TP73: variants seen among roughly 807,000 people sequenced by gnomAD.
The protein encoded by TP73 is tumor protein p73, also known as p53-like transcription factor.
In TP73, 25 loss-of-function variants were observed where a neutral mutation model predicts 62.5. The observed-to-expected ratio is 0.40, with a 90% confidence interval of 0.29 to 0.56. TP73 has a LOEUF of 0.56. TP73 is among the 20% of genes least tolerant of loss of function. The probability of loss-of-function intolerance (pLI) is 0.46; values close to 1 mark genes in which losing one functional copy is unlikely to be tolerated. For missense variants in TP73, 754 were observed against 913.3 expected (o/e 0.83, Z 2.25); for synonymous variants, 423 against 377.5 (o/e 1.12, Z -1.40).
chr1:3,726,901 C>CGATGGATGGGTGGATGGGTG (rs149311741), intron 6 of TP73, among the ~76,000 whole-genome samples: 1 of 147,474 alleles, frequency 6.8e-6, no homozygotes, highest in Non-Finnish European at 1.5e-5. Context: ...TAAATGGGTT[C>CGATGGATGGGTGGATGGGTG]GATGGATGGA....
At position 3,672,446 on chromosome 1, in the gene TP73, AGGCTGTGGCAGCTCCAGCGAAGGC is replaced by A. The variant is rs1645262940; in HGVS notation, c.-33-9881_-33-9858del. Reference sequence around the variant, plus strand: ...GACAGGGATGTGTCTGTGCAGAACGAGGCTGTGGCAGCTCCAGCGAAGGCGGCTGCGGCCCCATCAGTCACCTGC... The same window carrying A: ...GACAGGGATGTGTCTGTGCAGAACGAGGCTGCGGCCCCATCAGTCACCTGC... On this transcript the variant is annotated intron_variant, in intron 1 of 13. Transcript: ENST00000378295. The surrounding 1 kb of genome is among the most constrained non-coding windows in gnomAD (Gnocchi z 5.3). Among the ~76,000 whole-genome samples, 1 of 152,034 alleles carries A rather than the reference AGGCTGTGGCAGCTCCAGCGAAGGC, an allele frequency of 6.6e-6. No individual in the cohort carries two copies. Among genetic ancestry groups the A allele is most frequent in the Non-Finnish European group, 1.5e-5 (1 of 67,972 alleles).
At chr1:3,728,043 G>T (rs894802375) in intron 8 of TP73, 86 bp from the exon 9 acceptor site, 6 of 1,381,174 alleles carry the variant, frequency 4.3e-6, no homozygotes, top group Middle Eastern at 2.4e-4. Flanking sequence ...TGGCCCCAAG[G>T]GTGGGGCAGG....
chr1:3,727,061 T>A, intron 6 of TP73, 54 bp from the exon 7 acceptor site: 2 of 1,510,990 alleles, frequency 1.3e-6, no homozygotes, highest in Non-Finnish European at 1.8e-6. Flanking sequence ...GCCACCTTAG[T>A]GGATTGGGGC....
At chr1:3,667,467 G>A (rs1645144782) in intron 1 of TP73, among the ~76,000 whole-genome samples, 1 of 152,234 alleles carries the variant, frequency 6.6e-6, no homozygotes, top group Admixed American at 6.5e-5. Context: ...ATAAACGAGG[G>A]CAGCTGGGCG....
intron 3 of TP73, among the ~76,000 whole-genome samples, chr1:3,684,218 TGCCCC>T (rs1280963959): frequency 2.6e-5 from 4 of 152,192 alleles, no homozygotes; most frequent in African/African-American, 9.6e-5. Context: ...ACAGGCTGGC[TGCCCC>T]GCCCCGCCTC....
chr1:3,722,229 G>A (rs1380988723), intron 5 of TP73, 22 bp downstream of exon 5: 5 of 1,611,442 alleles, frequency 3.1e-6, no homozygotes, highest in Non-Finnish European at 4.2e-6. Flanking sequence ...CAGCTCCTCT[G>A]CCCACGGTGG....
In TP73 at chr1:3,701,351, C is replaced by G. The variant is rs941064427; in HGVS notation, c.187-6198C>G. The stretch of plus-strand genomic sequence containing the variant: ...GTTCCTCCTGGCTGGGTTTTTGTGC[C>G]AAGGCGTGGAGGTCATGCCTCGTGC... On this transcript the variant is annotated intron_variant, in intron 3 of 13. Transcript: ENST00000378295. This position sits in a 1 kb window ranked among gnomAD's most constrained non-coding sequence, Gnocchi z 4.7. 2.6e-5 allele frequency among the ~76,000 whole-genome samples: 4 copies of G among 152,130 alleles called. No homozygotes were observed. The highest frequency in any genetic ancestry group is 7.2e-5 in the African/African-American group (3 of 41,424).
intron 1 of TP73, among the ~76,000 whole-genome samples, chr1:3,678,314 C>T (rs149998796): frequency 4.6e-5 from 7 of 152,368 alleles, no homozygotes; most frequent in African/African-American, 7.2e-5. Flanking sequence ...GCCTGAAAGG[C>T]GGCTGTGGGC....
rs919615400 is a variant in TP73, at chr1:3,681,563, T to A, written c.-33-770T>A. The stretch of plus-strand genomic sequence containing the variant: ...TCTCAAGGCGTGACCACCCAGGCAG[T>A]GGCCGGCTGCAGGACAGGGCAGCTT... On this transcript the variant is annotated intron_variant, in intron 1 of 13. Transcript: ENST00000378295. 2.0e-5 allele frequency among the ~76,000 whole-genome samples: 3 copies of A among 152,246 alleles called. No individual in the cohort carries two copies. The South Asian group carries it at 6.2e-4, about 32-fold the overall frequency.
chr1:3,681,539 C>T (rs1455302944), intron 1 of TP73, among the ~76,000 whole-genome samples: 1 of 152,196 alleles, frequency 6.6e-6, no homozygotes, highest in Non-Finnish European at 1.5e-5. Context: ...GTGTCTCCTT[C>T]TCAAGGCGTG....
At chr1:3,706,470 A>G (rs58140697) in intron 3 of TP73, among the ~76,000 whole-genome samples, 2,697 of 49,544 alleles carry the variant, frequency 0.054, 148 homozygotes, top group African/African-American at 0.067. Flanking sequence ...GCCCGGGGAG[A>G]GGGGTAATAG....
chr1:3,706,083 A>G (rs1266179401), intron 3 of TP73, among the ~76,000 whole-genome samples: 1 of 151,988 alleles, frequency 6.6e-6, no homozygotes, highest in African/African-American at 2.4e-5. Flanking sequence ...CAGCTTCTCT[A>G]AAGAGGGACA....
chr1:3,707,542 G>A lies in TP73; in HGVS notation c.187-7G>A, dbSNP rs377115631. 37 of 1,597,588 alleles carry A rather than the reference G, an allele frequency of 2.3e-5. 1 individual carries two copies. Among genetic ancestry groups the A allele is most frequent in the East Asian group, 4.5e-5 (2 of 44,444 alleles). ...TTCCCCCTCCCTCCTCCCCTTTCCC[G>A]CGCCAGGCCCAGTTCAATCTGCTGA... On this transcript the variant is annotated splice_polypyrimidine_tract_variant and splice_region_variant and intron_variant, in intron 3 of 13. Transcript: ENST00000378295.
chr1:3,729,260 G>T lies in TP73; in HGVS notation c.1075-67G>T, dbSNP rs1372427260. The T allele has an allele frequency of 1.9e-6, 3 of 1,602,082 alleles. No individual in the cohort carries two copies. The African/African-American group carries it at 4.0e-5, about 21-fold the overall frequency. On this transcript the variant is annotated intron_variant, in intron 9 of 13. Coordinates refer to ENST00000378295, the MANE Select transcript of TP73 (RefSeq NM_005427.4). Reference sequence around the variant, plus strand: ...TTTGCCAAGCCCAGGTCCTCCTGAGGCTGCGGCCACCCCCCTCCCGTGGGG... The same window carrying T: ...TTTGCCAAGCCCAGGTCCTCCTGAGTCTGCGGCCACCCCCCTCCCGTGGGG...
chr1:3,691,068 G>C, intron 3 of TP73: 4 of 1,382,298 alleles, frequency 2.9e-6, no homozygotes, highest in Non-Finnish European at 2.0e-6. Flanking sequence ...TGCCAGTTGG[G>C]GTGAGCAGAG....
In TP73 at chr1:3,666,123, T is replaced by G. The variant is rs1421048726; in HGVS notation, c.-34+13482T>G. Among the ~76,000 whole-genome samples, 2 of 49,878 alleles carry G rather than the reference T, an allele frequency of 4.0e-5. No individual in the cohort carries two copies. Among genetic ancestry groups the G allele is most frequent in the African/African-American group, 1.5e-4 (2 of 13,030 alleles). 32.7% of individuals were successfully genotyped at this position (49,878 alleles called of 152,430 possible). A position where few individuals can be genotyped will look rare whatever the true frequency, so the allele number is the denominator to read the frequency against. ...TGGGCAACAAGAGCAAAACTCTGTC[T>G]CAAAAAAAAAAAAAAAAAAAAAAAA... On this transcript the variant is annotated intron_variant, in intron 1 of 13. Transcript: ENST00000378295. This position sits in a 1 kb window ranked among gnomAD's most constrained non-coding sequence, Gnocchi z 6.4.
chr1:3,707,193 C>T (rs1454855950), intron 3 of TP73, among the ~76,000 whole-genome samples: 2 of 152,142 alleles, frequency 1.3e-5, no homozygotes, highest in African/African-American at 2.4e-5. Context: ...AGGTCCAGAC[C>T]CCGATGCCGC....
chr1:3,688,059 G>A (rs1358930607), intron 3 of TP73, among the ~76,000 whole-genome samples: 1 of 152,176 alleles, frequency 6.6e-6, no homozygotes, highest in Non-Finnish European at 1.5e-5. Context: ...GGCGGACAGA[G>A]GGAGAAGGAC....
At chr1:3,727,832 C>G (rs1264488525) in intron 8 of TP73, 62 bp downstream of exon 8, 1 of 1,466,352 alleles carries the variant, frequency 6.8e-7, no homozygotes, top group African/African-American at 1.4e-5. Flanking sequence ...ATTGGCAGGA[C>G]ACAATGTGAG....
Sources: allele counts gnomAD v4.1 joint callset (sites outside exome capture counted in the v4.1 genomes callset), GRCh38; gene constraint gnomAD v4.1.1; non-coding constraint Gnocchi (gnomAD v3.1); transcripts MANE v1.5; gene names NCBI Gene and HGNC (gene_info 2026-07-23, HGNC 2026-07-21).